The following ANK3 variants were observed in gnomAD, a reference collection of about 807,000 sequenced individuals.
The protein encoded by ANK3 is ankyrin 3, also known as ankyrin-3.
Under a neutral mutation model 370.9 loss-of-function variants are expected in ANK3, and 57 were observed. The observed-to-expected ratio is 0.15, with a 90% CI of 0.12 to 0.19. The LOEUF (loss-of-function observed/expected upper bound fraction) is 0.19, where lower values mean the gene tolerates loss of function less well. ANK3 is among the 10% of genes least tolerant of loss of function. The pLI is 1.00. For missense variants in ANK3, 4,439 were observed against 5,302.1 expected, an observed-to-expected ratio of 0.84 and a Z score of 5.06; for synonymous variants, 1,929 against 1,946.3, an observed-to-expected ratio of 0.99 and a Z score of 0.23.
intron 2 of ANK3, among the ~76,000 whole-genome samples, chr10:60,482,286 GA>G (rs1172457519): frequency 7.2e-5 from 11 of 152,116 alleles, no homozygotes; most frequent in Non-Finnish European, 1.3e-4. Flanking sequence ...CATAACAGGG[GA>G]CACTGGTGTC....
chr10:60,584,762 C>T (rs550175640), intron 2 of ANK3, among the ~76,000 whole-genome samples: 14 of 152,318 alleles, frequency 9.2e-5, no homozygotes, highest in African/African-American at 3.1e-4. Context: ...TTCCTTCCTT[C>T]CTCTCTTGTT....
chr10:60,196,376 C>G (rs2096585585), intron 15 of ANK3, 133 bp from the exon 16 acceptor site: 4 of 923,256 alleles, frequency 4.3e-6, no homozygotes, highest in Non-Finnish European at 6.6e-6. Context: ...TACTTGGACC[C>G]CAGCATTTAC....
intron 2 of ANK3, among the ~76,000 whole-genome samples, chr10:60,603,348 T>C (rs1017406056): frequency 5.9e-5 from 9 of 152,192 alleles, no homozygotes; most frequent in African/African-American, 1.7e-4. Context: ...TTGAATCACA[T>C]TTTCCTAAAA....
chr10:60,620,599 C>T (rs2078322738), intron 1 of ANK3, among the ~76,000 whole-genome samples: 1 of 152,158 alleles, frequency 6.6e-6, no homozygotes, highest in Admixed American at 6.5e-5. Flanking sequence ...TTTCCAGAGG[C>T]TCATTTGATA....
intron 2 of ANK3, among the ~76,000 whole-genome samples, chr10:60,434,586 A>G (rs2064111452): frequency 6.6e-6 from 1 of 152,208 alleles, no homozygotes; most frequent in African/African-American, 2.4e-5. Flanking sequence ...GTTCATCTTG[A>G]ATGGAATTGT....
intron 39 of ANK3, 106 bp from the exon 40 acceptor site, chr10:60,063,360 C>A: frequency 1.9e-6 from 2 of 1,048,454 alleles, no homozygotes; most frequent in Non-Finnish European, 2.7e-6. Context: ...GACATTTTAG[C>A]TCCTTCTTAC....
chr10:60,037,148 G>A (rs1242042409), intron 43 of ANK3, among the ~76,000 whole-genome samples: 1 of 152,110 alleles, frequency 6.6e-6, no homozygotes, highest in East Asian at 1.9e-4. Context: ...CCCAGCTGAA[G>A]CCACCATTAT....
At chr10:60,085,657 C>T (rs1337695272) in intron 30 of ANK3, among the ~76,000 whole-genome samples, 1 of 142,524 alleles carries the variant, frequency 7.0e-6, no homozygotes, top group Non-Finnish European at 1.5e-5. Flanking sequence ...CTCTTGTTGC[C>T]AAGACTGGAG....
chr10:60,445,465 T>C (rs1284060060), intron 2 of ANK3, among the ~76,000 whole-genome samples: 2 of 149,970 alleles, frequency 1.3e-5, no homozygotes, highest in Admixed American at 6.7e-5. Context: ...TAAATAGTTA[T>C]TAAGCTGACA....
chr10:60,282,139 C>A (rs776558453), intron 1 of ANK3, among the ~76,000 whole-genome samples: 56 of 152,260 alleles, frequency 3.7e-4, no homozygotes, highest in South Asian at 8.3e-4. Flanking sequence ...GGCTCTGATG[C>A]CGTTCTGGGA....
chr10:60,122,782 G>C (rs2093566652), intron 25 of ANK3, among the ~76,000 whole-genome samples: 1 of 152,150 alleles, frequency 6.6e-6, no homozygotes, highest in South Asian at 2.1e-4. Context: ...GTCACAATCT[G>C]ATCATTTATG....
intron 1 of ANK3, among the ~76,000 whole-genome samples, chr10:60,703,526 G>C (rs1051415764): frequency 6.6e-6 from 1 of 152,128 alleles, no homozygotes; most frequent in Non-Finnish European, 1.5e-5. Flanking sequence ...GTCAACCACA[G>C]CGTTTGGTTT....
At chr10:60,605,832 A>T (rs571629762) in intron 2 of ANK3, among the ~76,000 whole-genome samples, 1 of 152,316 alleles carries the variant, frequency 6.6e-6, no homozygotes, top group Admixed American at 6.5e-5. Flanking sequence ...CATAAGGATG[A>T]TTTTTAAAAA....
chr10:60,465,856 G>A (rs1270457332), intron 2 of ANK3, among the ~76,000 whole-genome samples: 1 of 145,790 alleles, frequency 6.9e-6, no homozygotes, highest in Non-Finnish European at 1.5e-5. Context: ...ATTGGGAAAA[G>A]TCTAGCTATT....
intron 4 of ANK3, among the ~76,000 whole-genome samples, chr10:60,276,477 T>G (rs1332289157): frequency 1.3e-5 from 2 of 152,148 alleles, no homozygotes; most frequent in African/African-American, 4.8e-5. Flanking sequence ...AACAATGCAG[T>G]TCAGAAGGCA....
At chr10:60,337,911 T>A (rs2053394055) in intron 1 of ANK3, among the ~76,000 whole-genome samples, 1 of 152,220 alleles carries the variant, frequency 6.6e-6, no homozygotes, top group Non-Finnish European at 1.5e-5. Context: ...AAGCATTGAA[T>A]TTATCCCATT....
chr10:60,624,336 C>T (rs1266136023), intron 1 of ANK3, among the ~76,000 whole-genome samples: 1 of 151,918 alleles, frequency 6.6e-6, no homozygotes, highest in African/African-American at 2.4e-5. Context: ...CTCTGCACAC[C>T]AAGGCTTGGG....
At chr10:60,264,940 ACT>A (rs1302670703) in intron 5 of ANK3, among the ~76,000 whole-genome samples, 1 of 151,762 alleles carries the variant, frequency 6.6e-6, no homozygotes, top group Non-Finnish European at 1.5e-5. Context: ...GCAAAACATG[ACT>A]CTATATATTT....
intron 11 of ANK3, among the ~76,000 whole-genome samples, chr10:60,203,758 G>A (rs1445903452): frequency 1.3e-5 from 2 of 152,122 alleles, no homozygotes; most frequent in Non-Finnish European, 2.9e-5. Flanking sequence ...AATGTACATA[G>A]ACCCCAGAAT....
Sources: gnomAD v4.1 joint callset for allele counts (sites outside exome capture counted in the v4.1 genomes callset) on GRCh38, gnomAD v4.1.1 for gene constraint, MANE v1.5 for transcripts, NCBI Gene and HGNC (gene_info 2026-07-23, HGNC 2026-07-21) for gene names.